GRIN2A: variants seen among roughly 807,000 people sequenced by gnomAD.
GRIN2A encodes glutamate ionotropic receptor NMDA type subunit 2A.
Under a neutral mutation model 113.4 loss-of-function variants are expected in GRIN2A, and 22 were observed. The ratio of observed to expected loss-of-function variants is 0.19; its 90% CI spans 0.14 to 0.28. The LOEUF (loss-of-function observed/expected upper bound fraction) is 0.28. GRIN2A is among the 10% of genes least tolerant of loss of function. The pLI, the probability that GRIN2A is intolerant of heterozygous loss-of-function variation, is 1.00. For synonymous variants in GRIN2A, 827 were observed against 738.4 expected (o/e 1.12, Z -1.94); for missense variants, 1,502 against 1,887.0 (o/e 0.80, Z 3.78).
In GRIN2A at chr16:9,849,251, AT is replaced by A. The variant is rs576710063; in HGVS notation, c.1328+504del. Among the ~76,000 whole-genome samples the A allele has an allele frequency of 3.9e-3, 565 of 146,500 alleles. 3 individuals carry two copies. The highest frequency in any genetic ancestry group is 0.012 in the Admixed American group (174 of 14,550). On this transcript the variant is annotated intron_variant, in intron 5 of 12. Coordinates refer to ENST00000330684, the MANE Select transcript of GRIN2A (RefSeq NM_001134407.3). ...ATGTTTTATATTTTAATATATTAAG[AT>A]ATGTTTTATATTTATTTTAATATAC... is the stretch of plus-strand genomic sequence containing the variant.
chr16:9,979,932 T>C (rs999044257), intron 2 of GRIN2A, among the ~76,000 whole-genome samples: 5 of 151,018 alleles, frequency 3.3e-5, no homozygotes, highest in Admixed American at 1.3e-4. Context: ...AATGAAACTA[T>C]AGACTCTGGT....
chr16:9,993,726 ACT>A (rs754945870), intron 2 of GRIN2A, among the ~76,000 whole-genome samples: 4 of 152,086 alleles, frequency 2.6e-5, no homozygotes, highest in Non-Finnish European at 5.9e-5. Flanking sequence ...TCACCCAAAA[ACT>A]CTGTCAGAGA....
At chr16:10,083,221 G>C (rs774387643) in intron 2 of GRIN2A, among the ~76,000 whole-genome samples, 11 of 152,232 alleles carry the variant, frequency 7.2e-5, no homozygotes, top group Non-Finnish European at 1.5e-4. Context: ...AGCTAGTTCT[G>C]GGTGTGCAAA....
At chr16:10,132,602 A>C (rs780613224) in intron 2 of GRIN2A, among the ~76,000 whole-genome samples, 3 of 152,234 alleles carry the variant, frequency 2.0e-5, no homozygotes, top group Non-Finnish European at 2.9e-5. Context: ...TCATTCGGGC[A>C]TGGGGTTAAA....
At chr16:10,124,185 G>C (rs780457562) in intron 2 of GRIN2A, among the ~76,000 whole-genome samples, 61 of 152,180 alleles carry the variant, frequency 4.0e-4, no homozygotes, top group Non-Finnish European at 8.1e-4. Flanking sequence ...GCGTGCCCTT[G>C]TGTGTTCCAA....
intron 4 of GRIN2A, among the ~76,000 whole-genome samples, chr16:9,884,063 T>C (rs888423610): frequency 6.6e-6 from 1 of 152,224 alleles, no homozygotes; most frequent in Admixed American, 6.5e-5. Context: ...TCTCAATATA[T>C]ATCCCTTTTA....
intron 2 of GRIN2A, among the ~76,000 whole-genome samples, chr16:10,021,479 G>A (rs550200196): frequency 1.3e-5 from 2 of 152,238 alleles, no homozygotes; most frequent in Admixed American, 1.3e-4. Flanking sequence ...CAAGCTCTTC[G>A]CCACTCAGTG....
At chr16:10,149,956 G>A (rs955046561) in intron 2 of GRIN2A, among the ~76,000 whole-genome samples, 1 of 152,196 alleles carries the variant, frequency 6.6e-6, no homozygotes, top group Non-Finnish European at 1.5e-5. Flanking sequence ...CAGAACAGGT[G>A]TGAAGAGGCT....
chr16:10,113,106 C>A (rs1239311447), intron 2 of GRIN2A, among the ~76,000 whole-genome samples: 2 of 152,088 alleles, frequency 1.3e-5, no homozygotes, highest in Admixed American at 1.3e-4. Flanking sequence ...GGGGGCGCCC[C>A]CCAGCCCAGC....
At chr16:9,830,033 G>C (rs2042460563) in intron 8 of GRIN2A, among the ~76,000 whole-genome samples, 1 of 152,228 alleles carries the variant, frequency 6.6e-6, no homozygotes, top group Non-Finnish European at 1.5e-5. Context: ...CATGGGGACT[G>C]CTTCCAAATT....
At chr16:9,864,975 T>C (rs914391145) in intron 4 of GRIN2A, among the ~76,000 whole-genome samples, 2 of 152,290 alleles carry the variant, frequency 1.3e-5, no homozygotes, top group African/African-American at 2.4e-5. Flanking sequence ...TGCATCGTTA[T>C]GATGAAATGC....
At chr16:9,854,491 A>C (rs1157259670) in intron 4 of GRIN2A, among the ~76,000 whole-genome samples, 1 of 152,164 alleles carries the variant, frequency 6.6e-6, no homozygotes, top group Admixed American at 6.6e-5. Context: ...GCTTGTCTCC[A>C]TTTCCACAGT....
intron 2 of GRIN2A, among the ~76,000 whole-genome samples, chr16:10,013,633 T>C (rs1372290788): frequency 6.6e-6 from 1 of 152,230 alleles, no homozygotes; most frequent in East Asian, 1.9e-4. Flanking sequence ...TCATTCTGTC[T>C]GACCCTTCTA....
intron 4 of GRIN2A, among the ~76,000 whole-genome samples, chr16:9,869,124 T>C (rs181491430): frequency 2.0e-5 from 3 of 152,266 alleles, no homozygotes; most frequent in African/African-American, 7.2e-5. Context: ...ACATAATAGA[T>C]GCACAAATAC....
chr16:9,922,252 C>T (rs1020367435), intron 3 of GRIN2A, among the ~76,000 whole-genome samples: 5 of 151,978 alleles, frequency 3.3e-5, no homozygotes, highest in East Asian at 1.9e-4. Flanking sequence ...TCCCTGCCTG[C>T]TCTGACATCA....
In GRIN2A at chr16:9,812,036, G is replaced by A. The variant is rs563110628; in HGVS notation, c.2168+10228C>T. Among the ~76,000 whole-genome samples, 161 of 152,308 alleles carry A rather than the reference G, an allele frequency of 1.1e-3. 3 individuals are homozygous for A. The South Asian group carries it at 0.026, about 25-fold the overall frequency. ...AGAACTTTTGAAGTAAAAATATGAC[G>A]AAATTGGTACTAGGTTTTGCATAAT... On this transcript the variant is annotated intron_variant, in intron 10 of 12. Coordinates refer to ENST00000330684, the MANE Select transcript of GRIN2A (RefSeq NM_001134407.3).
At chr16:9,856,624 CAA>C (rs1178111932) in intron 4 of GRIN2A, among the ~76,000 whole-genome samples, 23 of 54,798 alleles carry the variant, frequency 4.2e-4, no homozygotes, top group Admixed American at 7.7e-4. Context: ...GACTCCATCT[CAA>C]AAAAAAAAAA....
intron 11 of GRIN2A, among the ~76,000 whole-genome samples, chr16:9,792,812 T>G (rs1038581487): frequency 2.0e-5 from 3 of 152,206 alleles, no homozygotes; most frequent in African/African-American, 4.8e-5. Context: ...GTATTACTTA[T>G]AGCTAAGCTG....
intron 4 of GRIN2A, among the ~76,000 whole-genome samples, chr16:9,876,848 G>C (rs2043377639): frequency 6.6e-6 from 1 of 152,140 alleles, no homozygotes; most frequent in African/African-American, 2.4e-5. Context: ...CTGGGTGCAT[G>C]GGTGGATAAA....
Sources: allele counts gnomAD v4.1 joint callset (sites outside exome capture counted in the v4.1 genomes callset), GRCh38; gene constraint gnomAD v4.1.1; transcripts MANE v1.5; gene names NCBI Gene and HGNC (gene_info 2026-07-23, HGNC 2026-07-21).